Variants in TNS3 observed in about 807,000 individuals in gnomAD.
The protein encoded by TNS3 is tensin 3, also known as tensin-3.
A neutral mutation model predicts 140.9 loss-of-function variants in TNS3; 45 were observed. That is an observed-to-expected ratio of 0.32 (90% CI 0.25 to 0.41). The LOEUF (loss-of-function observed/expected upper bound fraction) is 0.41, where lower values mean the gene tolerates loss of function less well. TNS3 is among the 10% of genes least tolerant of loss of function. The pLI, the probability that TNS3 is intolerant of heterozygous loss-of-function variation, is 1.00. For missense variants in TNS3, 1,716 were observed against 1,906.7 expected (o/e 0.90, Z 1.86); for synonymous variants, 815 against 788.4 (o/e 1.03, Z -0.56).
In TNS3 at chr7:47,442,508, C is replaced by T. The variant is rs551727264; in HGVS notation, c.-75-453G>A. Among the ~76,000 whole-genome samples, 332 of 152,288 alleles carry T rather than the reference C, an allele frequency of 2.2e-3. 2 individuals carry two copies. The highest frequency in any genetic ancestry group is 7.7e-3 in the African/African-American group (322 of 41,568). Reference sequence around the variant, plus strand: ...GCCTATTCAACAGGGAGAAAAGACTCGGGTTATAATTACTTTATAGTTATA... The same window carrying T: ...GCCTATTCAACAGGGAGAAAAGACTTGGGTTATAATTACTTTATAGTTATA... On this transcript the variant is annotated intron_variant, in intron 4 of 30. Transcript: ENST00000311160.
At chr7:47,420,249 G>A (rs1794302032) in intron 10 of TNS3, among the ~76,000 whole-genome samples, 1 of 152,126 alleles carries the variant, frequency 6.6e-6, no homozygotes. Flanking sequence ...GGCAGCAGAG[G>A]GCTCTTTCCG....
At chr7:47,479,590 G>A (rs932041439) in intron 4 of TNS3, among the ~76,000 whole-genome samples, 7 of 151,080 alleles carry the variant, frequency 4.6e-5, no homozygotes, top group Non-Finnish European at 1.0e-4. Context: ...GCAGGCGCCC[G>A]CCCCGGACGG....
At chr7:47,401,394 G>A (rs372706409) in intron 13 of TNS3, among the ~76,000 whole-genome samples, 8 of 152,112 alleles carry the variant, frequency 5.3e-5, no homozygotes, top group Non-Finnish European at 1.0e-4. Context: ...AGCAGCAGCC[G>A]GTCATTACTG....
intron 16 of TNS3, among the ~76,000 whole-genome samples, chr7:47,388,733 G>A (rs1345832533): frequency 6.6e-6 from 1 of 152,036 alleles, no homozygotes; most frequent in East Asian, 1.9e-4. Context: ...GGGCATGGTG[G>A]CAGGCACCTG....
At chr7:47,501,820 AT>A (rs1196709439) in intron 3 of TNS3, among the ~76,000 whole-genome samples, 2 of 152,140 alleles carry the variant, frequency 1.3e-5, no homozygotes, top group African/African-American at 2.4e-5. Flanking sequence ...CAGAGCCTTC[AT>A]GGGGAAGAAG....
chr7:47,486,102 G>A (rs1797605128), intron 3 of TNS3, among the ~76,000 whole-genome samples: 1 of 151,976 alleles, frequency 6.6e-6, no homozygotes, highest in Non-Finnish European at 1.5e-5. Context: ...GGTGGTGTCT[G>A]TGTTTGACTA....
chr7:47,420,280 G>T (rs1025604982), intron 10 of TNS3, among the ~76,000 whole-genome samples: 15 of 152,150 alleles, frequency 9.9e-5, no homozygotes, highest in African/African-American at 3.4e-4. Flanking sequence ...GAGAATGTGG[G>T]GTAATGGTTC....
At chr7:47,528,286 T>C (rs1375044408) in intron 2 of TNS3, among the ~76,000 whole-genome samples, 1 of 152,184 alleles carries the variant, frequency 6.6e-6, no homozygotes, top group Non-Finnish European at 1.5e-5. Context: ...AGGGACCATC[T>C]GCTGGGGGTC....
At chr7:47,465,102 C>T (rs1240993264) in intron 4 of TNS3, among the ~76,000 whole-genome samples, 2 of 152,184 alleles carry the variant, frequency 1.3e-5, no homozygotes, top group Non-Finnish European at 2.9e-5. Flanking sequence ...TGTGAAACAA[C>T]CCTTTATTCA....
At chr7:47,483,098 G>T (rs1797483068) in intron 3 of TNS3, among the ~76,000 whole-genome samples, 1 of 152,100 alleles carries the variant, frequency 6.6e-6, no homozygotes. Flanking sequence ...ATCAATATTG[G>T]CTAATCAAGT....
intron 16 of TNS3, among the ~76,000 whole-genome samples, chr7:47,392,640 G>A (rs73326569): frequency 0.012 from 1,887 of 152,320 alleles, 36 homozygotes; most frequent in African/African-American, 0.043. Flanking sequence ...ATGCGGCTGG[G>A]ACTCAGCCTT....
intron 16 of TNS3, among the ~76,000 whole-genome samples, chr7:47,373,075 G>A (rs1340810936): frequency 1.3e-5 from 2 of 152,174 alleles, no homozygotes; most frequent in African/African-American, 2.4e-5. Context: ...TCAGCCTCAG[G>A]GGGAGGGAAG....
intron 10 of TNS3, among the ~76,000 whole-genome samples, chr7:47,423,307 T>C (rs979889281): frequency 6.6e-6 from 1 of 152,232 alleles, no homozygotes; most frequent in Non-Finnish European, 1.5e-5. Context: ...TGGTTGGCTC[T>C]AAGTGTCACC....
At chr7:47,337,762 G>A (rs1318823681) in intron 20 of TNS3, among the ~76,000 whole-genome samples, 1 of 152,158 alleles carries the variant, frequency 6.6e-6, no homozygotes, top group Non-Finnish European at 1.5e-5. Flanking sequence ...CACCTTCTGG[G>A]AACTACAGAG....
At chr7:47,572,858 CAAAA>C (rs1288520753) in intron 1 of TNS3, among the ~76,000 whole-genome samples, 1 of 122,524 alleles carries the variant, frequency 8.2e-6, no homozygotes, top group Non-Finnish European at 1.8e-5. Flanking sequence ...GACTCCGTCT[CAAAA>C]AAAAAAAAAA....
rs564793128 is a variant in TNS3 at position 47,549,019 on chromosome 7, A to G, written c.-264-19872T>C. ...AAGCCCTGCAAAATAAAGCCCCAAA[A>G]AGGCCCAGTTCCCCGGTCTCCACTC... On this transcript the variant is annotated intron_variant, in intron 1 of 30. Coordinates refer to ENST00000311160, the MANE Select transcript of TNS3 (RefSeq NM_022748.12). 2.0e-5 allele frequency among the ~76,000 whole-genome samples: 3 copies of G among 152,190 alleles called. No individual in the cohort carries two copies. In the South Asian group the frequency reaches 6.2e-4, roughly 32 times the overall value.
chr7:47,497,662 AACACACACACACACAC>A (rs6150097), intron 3 of TNS3, among the ~76,000 whole-genome samples: 1 of 91,142 alleles, frequency 1.1e-5, no homozygotes, highest in Non-Finnish European at 2.5e-5. Flanking sequence ...TCACGTATGG[AACACACACACACACAC>A]ACACACACAC....
chr7:47,418,351 A>T (rs1040397562), intron 10 of TNS3, among the ~76,000 whole-genome samples: 7 of 152,186 alleles, frequency 4.6e-5, no homozygotes, highest in Non-Finnish European at 1.5e-5. Flanking sequence ...ACAGAATTGC[A>T]CAATTAGTTC....
At chr7:47,299,626 C>G (rs543177778) in intron 23 of TNS3, among the ~76,000 whole-genome samples, 5 of 152,300 alleles carry the variant, frequency 3.3e-5, no homozygotes, top group Admixed American at 1.3e-4. Context: ...ACGGGCTTTG[C>G]TCCGACCAGT....
Sources: gnomAD v4.1 joint callset for allele counts (sites outside exome capture counted in the v4.1 genomes callset) on GRCh38, gnomAD v4.1.1 for gene constraint, MANE v1.5 for transcripts, NCBI Gene and HGNC (gene_info 2026-07-23, HGNC 2026-07-21) for gene names.